Variants in SPAG16 observed in about 807,000 individuals in gnomAD.
The protein encoded by SPAG16 is sperm-associated antigen 16 protein.
SPAG16 carries 86 observed loss-of-function variants against 80.4 expected under a neutral mutation model. The observed-to-expected ratio is 1.07, with a 90% CI of 0.90 to 1.28. The LOEUF (loss-of-function observed/expected upper bound fraction) is 1.28. Among genes scored for constraint, SPAG16 ranks in the 50% most tolerant of loss-of-function variants. The probability of loss-of-function intolerance (pLI) is 0.00; values close to 1 mark genes in which losing one functional copy is unlikely to be tolerated. For missense variants in SPAG16, 870 were observed against 765.3 expected (o/e 1.14, Z -1.61); for synonymous variants, 294 against 265.9 (o/e 1.11, Z -1.03).
At chr2:213,660,725 C>G (rs1244679111) in intron 10 of SPAG16, among the ~76,000 whole-genome samples, 1 of 152,088 alleles carries the variant, frequency 6.6e-6, no homozygotes, top group South Asian at 2.1e-4. Flanking sequence ...TCAAGCACTC[C>G]CAGGATCATA....
At chr2:213,574,898 T>A (rs577830052) in intron 10 of SPAG16, among the ~76,000 whole-genome samples, 2 of 151,944 alleles carry the variant, frequency 1.3e-5, no homozygotes, top group African/African-American at 4.8e-5. Flanking sequence ...ATAATAATGG[T>A]TTACACCAGT....
chr2:214,078,664 C>T (rs2051207379), intron 13 of SPAG16, among the ~76,000 whole-genome samples: 1 of 151,520 alleles, frequency 6.6e-6, no homozygotes, highest in South Asian at 2.1e-4. Context: ...TGAGTTATTA[C>T]TATAAATATA....
intron 10 of SPAG16, among the ~76,000 whole-genome samples, chr2:213,754,702 A>G (rs967824869): frequency 1.2e-4 from 2 of 17,376 alleles, no homozygotes; most frequent in African/African-American, 1.8e-4. Context: ...AAATTAATGT[A>G]TCACAGCCCA....
At chr2:214,293,563 A>G (rs1014118648) in intron 15 of SPAG16, among the ~76,000 whole-genome samples, 3 of 152,176 alleles carry the variant, frequency 2.0e-5, no homozygotes, top group African/African-American at 7.2e-5. Flanking sequence ...CAGAGGCAGA[A>G]TACTCCCCAG....
intron 15 of SPAG16, among the ~76,000 whole-genome samples, chr2:214,221,192 A>G (rs1158119520): frequency 6.6e-6 from 1 of 152,186 alleles, no homozygotes; most frequent in Non-Finnish European, 1.5e-5. Context: ...CTCTCCTACT[A>G]CAAAAGTTTT....
Position 213,614,156 on chromosome 2 carries a change from G to A in SPAG16, c.1070+124066G>A, listed in dbSNP as rs185834904. On this transcript the variant is annotated intron_variant, in intron 10 of 15. Coordinates refer to ENST00000331683, the MANE Select transcript of SPAG16 (RefSeq NM_024532.5). ...GGGTGTGTGTATGTAAGGGAGAGTA[G>A]AACATTCTGGAATTATATGAAACTA... Among the ~76,000 whole-genome samples, 18 of 152,230 alleles carry A rather than the reference G, an allele frequency of 1.2e-4. 1 individual carries two copies. In the East Asian group the frequency reaches 3.1e-3, roughly 26 times the overall value.
intron 15 of SPAG16, among the ~76,000 whole-genome samples, chr2:214,180,866 C>T (rs2057289437): frequency 2.6e-5 from 4 of 151,612 alleles, no homozygotes; most frequent in African/African-American, 9.7e-5. Flanking sequence ...GCAACGTGAC[C>T]TTTAATCTTT....
intron 10 of SPAG16, among the ~76,000 whole-genome samples, chr2:213,649,117 G>GA (rs1471972251): frequency 6.6e-6 from 1 of 151,928 alleles, no homozygotes; most frequent in Non-Finnish European, 1.5e-5. Context: ...TCCATACTGA[G>GA]AAAAAAATAG....
intron 13 of SPAG16, among the ~76,000 whole-genome samples, chr2:214,019,617 G>A (rs183472311): frequency 1.1e-3 from 167 of 152,280 alleles, no homozygotes; most frequent in Non-Finnish European, 1.6e-3. Context: ...GCTCCTGTTT[G>A]GTGCCAGACC....
At chr2:214,272,404 TC>T (rs1488288899) in intron 15 of SPAG16, among the ~76,000 whole-genome samples, 2 of 152,176 alleles carry the variant, frequency 1.3e-5, no homozygotes. Context: ...TATTAACTCA[TC>T]ATTCACATTA....
chr2:214,301,047 A>G (rs1694512539), intron 15 of SPAG16, among the ~76,000 whole-genome samples: 2 of 147,810 alleles, frequency 1.4e-5, no homozygotes, highest in African/African-American at 4.9e-5. Context: ...AATAATAATA[A>G]TAATAATAAT....
At chr2:213,936,909 TG>T (rs1220813175) in intron 12 of SPAG16, among the ~76,000 whole-genome samples, 1 of 152,124 alleles carries the variant, frequency 6.6e-6, no homozygotes, top group Non-Finnish European at 1.5e-5. Context: ...ACCCCTGTGC[TG>T]GATGAGATGA....
chr2:214,098,315 C>G (rs1005274435), intron 13 of SPAG16, among the ~76,000 whole-genome samples: 3 of 151,796 alleles, frequency 2.0e-5, no homozygotes, highest in African/African-American at 7.3e-5. Flanking sequence ...GAATTGTGTC[C>G]CCTTAAATCC....
chr2:213,534,685 G>T (rs2076181740), intron 10 of SPAG16, among the ~76,000 whole-genome samples: 1 of 152,054 alleles, frequency 6.6e-6, no homozygotes, highest in South Asian at 2.1e-4. Context: ...TGGTGTAAAT[G>T]ATTTATAGTG....
intron 15 of SPAG16, chr2:214,280,928 G>A (rs1576668222): frequency 2.3e-6 from 1 of 434,220 alleles, no homozygotes; most frequent in Non-Finnish European, 4.4e-6. Flanking sequence ...GGCTGATAAT[G>A]TGCTTCCAGT....
chr2:214,130,410 G>A (rs895895819), intron 14 of SPAG16, among the ~76,000 whole-genome samples: 6 of 152,130 alleles, frequency 3.9e-5, no homozygotes, highest in African/African-American at 1.4e-4. Context: ...AGTCAGCCAT[G>A]AAGACTTCAT....
chr2:214,326,941 T>A (rs186955580), intron 15 of SPAG16, among the ~76,000 whole-genome samples: 236 of 58,424 alleles, frequency 4.0e-3, no homozygotes, highest in Middle Eastern at 0.015. Context: ...TGAGACTAAG[T>A]CTCAAAAAAA....
intron 10 of SPAG16, among the ~76,000 whole-genome samples, chr2:213,584,665 C>T (rs190996948): frequency 8.6e-5 from 13 of 151,952 alleles, no homozygotes; most frequent in African/African-American, 3.1e-4. Flanking sequence ...GACGGATGGA[C>T]GGGAGGAAGT....
intron 15 of SPAG16, among the ~76,000 whole-genome samples, chr2:214,334,677 C>A (rs1371003447): frequency 6.6e-6 from 1 of 152,160 alleles, no homozygotes; most frequent in African/African-American, 2.4e-5. Context: ...GTTTCAGAGT[C>A]CTTCTAATGG....
Sources: gnomAD v4.1 joint callset for allele counts (sites outside exome capture counted in the v4.1 genomes callset) on GRCh38, gnomAD v4.1.1 for gene constraint, MANE v1.5 for transcripts, NCBI Gene and HGNC (gene_info 2026-07-23, HGNC 2026-07-21) for gene names.